Variants in NSUN2 observed in about 807,000 individuals in gnomAD.
NSUN2 encodes the protein RNA cytosine C(5)-methyltransferase NSUN2.
In NSUN2, 63 loss-of-function variants were observed where a neutral mutation model predicts 92.7. The ratio of observed to expected loss-of-function variants is 0.68; its 90% CI spans 0.56 to 0.84. The LOEUF (loss-of-function observed/expected upper bound fraction) is 0.84, where lower values mean the gene tolerates loss of function less well. Among genes scored for constraint, NSUN2 ranks in the 40% least tolerant of loss-of-function variants. The pLI, the probability that NSUN2 is intolerant of heterozygous loss-of-function variation, is 0.00. For missense variants in NSUN2, 989 were observed against 964.9 expected (o/e 1.02, Z -0.33); for synonymous variants, 356 against 348.3 (o/e 1.02, Z -0.25).
chr5:6,631,140 G>A (rs1434887659), intron 3 of NSUN2, among the ~76,000 whole-genome samples: 3 of 152,098 alleles, frequency 2.0e-5, no homozygotes, highest in South Asian at 2.1e-4. Context: ...TCACCTTTTC[G>A]TGCATTACTT....
rs761068587 is a variant in NSUN2, at chr5:6,606,866, G to C, written c.1555C>G (p.Pro519Ala). ...KMKLFGFKED[P>A]FVFIPEDDPL... The stretch of plus-strand genomic sequence containing the variant: ...TCATCTTCAGGAATAAATACAAATG[G>C]ATCTTCTTTAAATCCAAATAACTTC... Residue 519 changes from proline to alanine, a missense_variant, in exon 14 of 19, where the codon CCA (proline) becomes GCA (alanine). Around this residue, in one of 3 missense-constraint regions of NSUN2, gnomAD observed 626 missense variants for 602.3 expected, o/e 1.04. Transcript: ENST00000264670. 2 of 1,597,010 alleles carry C rather than the reference G, an allele frequency of 1.3e-6. No homozygotes were observed. Among genetic ancestry groups the C allele is most frequent in the Non-Finnish European group, 1.7e-6 (2 of 1,164,954 alleles).
intron 4 of NSUN2, among the ~76,000 whole-genome samples, chr5:6,624,901 T>C (rs151199338): frequency 3.3e-5 from 5 of 152,324 alleles, no homozygotes; most frequent in African/African-American, 1.2e-4. Context: ...CATTGAATTA[T>C]TTAGTACATA....
rs544211640 is a variant in NSUN2, at chr5:6,624,594, G to T, written c.465+970C>A. 7.7e-4 allele frequency among the ~76,000 whole-genome samples: 118 copies of T among 152,310 alleles called. 1 individual carries two copies. Among genetic ancestry groups the T allele is most frequent in the Non-Finnish European group, 1.4e-3 (93 of 68,032 alleles). Reference sequence around the variant, plus strand: ...TGATCTCTATTTGGCCTTCCATCTAGATTGAAAGTTGAGCAAGAGAATCCT... The same window carrying T: ...TGATCTCTATTTGGCCTTCCATCTATATTGAAAGTTGAGCAAGAGAATCCT... On this transcript the variant is annotated intron_variant, in intron 4 of 18. Coordinates refer to ENST00000264670, the MANE Select transcript of NSUN2 (RefSeq NM_017755.6).
intron 10 of NSUN2, 45 bp from the exon 11 acceptor site, chr5:6,611,130 T>C (rs2126482279): frequency 5.6e-6 from 9 of 1,606,646 alleles, no homozygotes; most frequent in Non-Finnish European, 7.7e-6. Flanking sequence ...CACTATCCAA[T>C]ACCAACAAAA....
At chr5:6,604,001 C>A (rs988329384) in intron 17 of NSUN2, 137 bp downstream of exon 17, 5 of 778,918 alleles carry the variant, frequency 6.4e-6, no homozygotes, top group Admixed American at 2.5e-5. Flanking sequence ...ATCTACAGAA[C>A]CCTCTGGAAA....
At chr5:6,611,352 G>GT (rs945059484) in intron 10 of NSUN2, among the ~76,000 whole-genome samples, 8 of 147,264 alleles carry the variant, frequency 5.4e-5, no homozygotes, top group African/African-American at 2.0e-4. Context: ...TTTCCATCTA[G>GT]TTTTTTTCTT....
intron 2 of NSUN2, 101 bp from the exon 3 acceptor site, chr5:6,632,078 A>C (rs1737930184): frequency 1.1e-6 from 1 of 882,964 alleles, no homozygotes; most frequent in East Asian, 2.4e-5. Context: ...ACTAAAACCA[A>C]CTTTTGCATG....
At chr5:6,628,948 G>A (rs1280669094) in intron 3 of NSUN2, among the ~76,000 whole-genome samples, 2 of 152,226 alleles carry the variant, frequency 1.3e-5, no homozygotes, top group Non-Finnish European at 2.9e-5. Context: ...AGGAGGCTGA[G>A]GTGGGAGGAT....
rs771023793 is a variant in NSUN2 at position 6,600,057 on chromosome 5, T to C, written c.2173A>G (p.Thr725Ala). Reference sequence around the variant, plus strand: ...GTCACGTCATTGTCTGGCTGTCCGGTGCTGGCTGCACTCTCATTTGTGAGG... The same window carrying C: ...GTCACGTCATTGTCTGGCTGTCCGGCGCTGGCTGCACTCTCATTTGTGAGG... Reference protein sequence around the residue: ...VILTNESAASTGQPDNDVTEG... With the variant: ...VILTNESAASAGQPDNDVTEG... Residue 725 changes from threonine to alanine, a missense_variant, in exon 19 of 19, where the codon ACC becomes GCC. This residue lies in a region of NSUN2 where 626 missense variants were observed against 602.3 expected (regional missense o/e 1.04). Transcript: ENST00000264670. 1 of 1,614,140 alleles carries C rather than the reference T, an allele frequency of 6.2e-7. No individual in the cohort carries two copies. The highest frequency in any genetic ancestry group is 1.3e-5 in the African/African-American group (1 of 74,942).
chr5:6,627,884 C>G lies in NSUN2; in HGVS notation c.360-2215G>C, dbSNP rs150755211. Among the ~76,000 whole-genome samples the G allele has an allele frequency of 3.1e-3, 477 of 152,058 alleles. 3 individuals carry two copies. Among genetic ancestry groups the G allele is most frequent in the African/African-American group, 9.9e-3 (408 of 41,356 alleles). ...GAGAGGTATATTTAATTTTTAGTTA[C>G]TTACTTCAAATTTAGCTTGTGTCTT... On this transcript the variant is annotated intron_variant, in intron 3 of 18. Coordinates refer to ENST00000264670, the MANE Select transcript of NSUN2 (RefSeq NM_017755.6).
In NSUN2 at chr5:6,605,426, G is replaced by T; in HGVS notation, c.1602-18C>A. ...AAAATTTCCTGTACATAACAACATT[G>T]TTGTTTATCCACAATGAGTTCAAAA... is the stretch of plus-strand genomic sequence containing the variant. On this transcript the variant is annotated intron_variant, in intron 14 of 18. Transcript: ENST00000264670. 6.2e-7 allele frequency: 1 copy of T among 1,607,070 alleles called. No homozygotes were observed. The highest frequency in any genetic ancestry group is 8.5e-7 in the Non-Finnish European group (1 of 1,178,804).
intron 11 of NSUN2, among the ~76,000 whole-genome samples, chr5:6,610,204 C>T (rs549715185): frequency 1.3e-5 from 2 of 152,124 alleles, no homozygotes; most frequent in South Asian, 2.1e-4. Context: ...GCTGGGACTA[C>T]AGGCATGCAA....
chr5:6,609,760 C>T lies in NSUN2; in HGVS notation c.1323+66G>A, dbSNP rs138603954. 330 of 1,268,622 alleles carry T rather than the reference C, an allele frequency of 2.6e-4. 2 individuals carry two copies. The African/African-American group carries it at 4.4e-3, about 17-fold the overall frequency. The allele number at this position is 1,268,622 out of a possible 1,614,324, so 78.6% of individuals were successfully genotyped here. ...TTTCCTCTGTACTTCTACTAAACTC[C>T]GGTTAGTTTTTGTCTTAAATGTACA... is the stretch of plus-strand genomic sequence containing the variant. On this transcript the variant is annotated intron_variant, in intron 12 of 18. Coordinates refer to ENST00000264670, the MANE Select transcript of NSUN2 (RefSeq NM_017755.6).
intron 7 of NSUN2, among the ~76,000 whole-genome samples, chr5:6,619,470 AT>A (rs1737346923): frequency 6.6e-6 from 1 of 151,994 alleles, no homozygotes; most frequent in African/African-American, 2.4e-5. Context: ...TGCACCTCCT[AT>A]GGGAACGGAA....
intron 8 of NSUN2, 78 bp downstream of exon 8, chr5:6,617,872 G>T: frequency 9.3e-7 from 1 of 1,073,850 alleles, no homozygotes. Context: ...ATTAAAGATC[G>T]GATGCTCACT....
chr5:6,604,522 T>A, intron 16 of NSUN2, 83 bp downstream of exon 16: 2 of 1,277,128 alleles, frequency 1.6e-6, no homozygotes, highest in Non-Finnish European at 2.3e-6. Context: ...ACTCAGACCA[T>A]CTGGCTGACC....
rs1222166582 is a variant in NSUN2, at chr5:6,604,148, T to C, written c.1947A>G (p.Ala649=). Residue 649 remains alanine (A), a synonymous_variant, in exon 17 of 19, where the codon GCA becomes GCG. Coordinates refer to ENST00000264670, the MANE Select transcript of NSUN2 (RefSeq NM_017755.6). ...TTTCCAACTACTCACCCAGGTCCTT[T>C]GCTTGACTGTAGGTCTCACTGCTGA... The part of the protein sequence containing the change: ...RKLSSETYSQ[A]KDLAKGSIVL... 6.2e-7 allele frequency: 1 copy of C among 1,613,482 alleles called. No homozygotes were observed. The highest frequency in any genetic ancestry group is 8.5e-7 in the Non-Finnish European group (1 of 1,179,822).
At chr5:6,632,786 G>C (rs765706625) in intron 1 of NSUN2, 30 bp from the exon 2 acceptor site, 17 of 1,605,698 alleles carry the variant, frequency 1.1e-5, no homozygotes, top group Non-Finnish European at 1.4e-5. Flanking sequence ...TCTACCCCGA[G>C]GCCCAAGGAG....
intron 12 of NSUN2, among the ~76,000 whole-genome samples, chr5:6,608,763 C>T (rs575856750): frequency 4.6e-5 from 7 of 152,206 alleles, no homozygotes; most frequent in Non-Finnish European, 1.0e-4. Context: ...TGGGCAGCCA[C>T]AAGCCTGTGG....
Sources: allele counts gnomAD v4.1 joint callset (sites outside exome capture counted in the v4.1 genomes callset), GRCh38; gene constraint gnomAD v4.1.1; regional missense constraint gnomAD v4.1.1; transcripts MANE v1.5; gene names NCBI Gene and HGNC (gene_info 2026-07-23, HGNC 2026-07-21).